SCAPER: variants seen among roughly 807,000 people sequenced by gnomAD.
SCAPER encodes S phase cyclin A-associated protein in the endoplasmic reticulum.
SCAPER carries 98 observed loss-of-function variants against 182.2 expected under a neutral mutation model. The observed-to-expected ratio is 0.54, with a 90% CI of 0.46 to 0.64. The LOEUF (loss-of-function observed/expected upper bound fraction) is 0.64, where lower values mean the gene tolerates loss of function less well. SCAPER is among the 30% of genes least tolerant of loss of function. SCAPER has a pLI of 0.00. For missense variants in SCAPER, 1,432 were observed against 1,690.0 expected (o/e 0.85, Z 2.68); for synonymous variants, 605 against 564.6 (o/e 1.07, Z -1.01).
At chr15:76,860,106 T>C (rs1325477702) in intron 3 of SCAPER, among the ~76,000 whole-genome samples, 11 of 152,216 alleles carry the variant, frequency 7.2e-5, no homozygotes, top group Non-Finnish European at 1.6e-4. Context: ...AAAAATCGGG[T>C]TATGTACAGA....
chr15:76,393,368 C>G (rs1466918015), intron 27 of SCAPER, among the ~76,000 whole-genome samples: 1 of 152,204 alleles, frequency 6.6e-6, no homozygotes, highest in Non-Finnish European at 1.5e-5. Flanking sequence ...GTTCCACTTG[C>G]CTAGTCCTGT....
At chr15:76,515,931 G>A (rs990450385) in intron 23 of SCAPER, among the ~76,000 whole-genome samples, 2 of 152,150 alleles carry the variant, frequency 1.3e-5, no homozygotes, top group Non-Finnish European at 2.9e-5. Context: ...CCACAGCCTT[G>A]GAAAAGTCAA....
intron 22 of SCAPER, among the ~76,000 whole-genome samples, chr15:76,592,159 T>A (rs2049168499): frequency 6.6e-6 from 1 of 151,976 alleles, no homozygotes; most frequent in Non-Finnish European, 1.5e-5. Context: ...ATATATAGGT[T>A]ATATAGGTTC....
rs144059882 is a variant in SCAPER at position 76,887,345 on chromosome 15, C to T, written c.-59-3469G>A. Among the ~76,000 whole-genome samples the T allele has an allele frequency of 8.3e-4, 127 of 152,212 alleles. 1 individual carries two copies. Among genetic ancestry groups the T allele is most frequent in the African/African-American group, 2.8e-3 (117 of 41,526 alleles). On this transcript the variant is annotated intron_variant, in intron 1 of 31. Transcript: ENST00000563290. ...CCACAGAGGGTGAGCCAAAGCAGGCCGGGGCATCGCCTCACCAGGGAAGCA... is the reference window on the plus strand; with the variant it reads ...CCACAGAGGGTGAGCCAAAGCAGGCTGGGGCATCGCCTCACCAGGGAAGCA...
intron 25 of SCAPER, among the ~76,000 whole-genome samples, chr15:76,443,631 G>A (rs1234432210): frequency 1.3e-5 from 2 of 152,182 alleles, no homozygotes; most frequent in Non-Finnish European, 2.9e-5. Flanking sequence ...ATTAATAGCA[G>A]AAACAACAGC....
At chr15:76,417,058 C>A (rs1179505971) in intron 26 of SCAPER, among the ~76,000 whole-genome samples, 1 of 151,538 alleles carries the variant, frequency 6.6e-6, no homozygotes, top group Non-Finnish European at 1.5e-5. Context: ...GCACACACAC[C>A]CTGTCTCTAA....
At chr15:76,758,221 TTA>T (rs1341289089) in intron 14 of SCAPER, among the ~76,000 whole-genome samples, 1 of 152,216 alleles carries the variant, frequency 6.6e-6, no homozygotes, top group Non-Finnish European at 1.5e-5. Flanking sequence ...GTTTCAGATT[TTA>T]TGTTTAAGCC....
rs142651169 is a variant in SCAPER, at chr15:76,777,240, C to A, written c.773-2123G>T. Among the ~76,000 whole-genome samples, 497 of 152,234 alleles carry A rather than the reference C, an allele frequency of 3.3e-3. 2 individuals are homozygous for A. The highest frequency in any genetic ancestry group is 5.9e-3 in the Non-Finnish European group (401 of 68,016). On this transcript the variant is annotated intron_variant, in intron 8 of 31. Coordinates refer to ENST00000563290, the MANE Select transcript of SCAPER (RefSeq NM_020843.4). ...ATTTATCAAGGGACTGAAAGAACTG[C>A]CCATTGTGAATTTTATTAATATATG...
In SCAPER at chr15:76,817,588, A is replaced by G. The variant is rs891278846; in HGVS notation, c.394-12955T>C. On this transcript the variant is annotated intron_variant, in intron 5 of 31. Transcript: ENST00000563290. Reference sequence around the variant, plus strand: ...TTTGTTACTCTTACCACACACACAAAAAGGTAACTATGTGAGGTGATAGGT... The same window carrying G: ...TTTGTTACTCTTACCACACACACAAGAAGGTAACTATGTGAGGTGATAGGT... 2.0e-5 allele frequency among the ~76,000 whole-genome samples: 3 copies of G among 152,304 alleles called. No homozygotes were observed. The South Asian group carries it at 6.2e-4, about 32-fold the overall frequency.
At chr15:76,528,870 C>A (rs920783336) in intron 23 of SCAPER, among the ~76,000 whole-genome samples, 4 of 152,206 alleles carry the variant, frequency 2.6e-5, no homozygotes, top group African/African-American at 9.7e-5. Flanking sequence ...TATGCTCCAG[C>A]CATTATGAAT....
chr15:76,420,068 A>G (rs2045921430), intron 26 of SCAPER, among the ~76,000 whole-genome samples: 1 of 152,100 alleles, frequency 6.6e-6, no homozygotes, highest in Admixed American at 6.5e-5. Context: ...CAGAAAAACA[A>G]TTTGACAAAA....
At chr15:76,809,998 C>T (rs2066468639) in intron 5 of SCAPER, among the ~76,000 whole-genome samples, 1 of 152,060 alleles carries the variant, frequency 6.6e-6, no homozygotes, top group African/African-American at 2.4e-5. Flanking sequence ...GAAAATTATA[C>T]CCAGAAAATC....
chr15:76,464,362 T>C (rs157776), intron 25 of SCAPER, among the ~76,000 whole-genome samples: 31,977 of 152,056 alleles, frequency 0.21, 4,220 homozygotes, highest in African/African-American at 0.38. Flanking sequence ...GGTTGATTAA[T>C]ATTCCATTGT....
intron 16 of SCAPER, among the ~76,000 whole-genome samples, chr15:76,728,998 G>A (rs1460252788): frequency 6.6e-6 from 1 of 152,046 alleles, no homozygotes; most frequent in African/African-American, 2.4e-5. Context: ...TGTTTTGTGG[G>A]AACTTGTGAT....
intron 5 of SCAPER, among the ~76,000 whole-genome samples, chr15:76,823,586 T>A (rs2067748207): frequency 6.6e-6 from 1 of 151,652 alleles, no homozygotes; most frequent in Non-Finnish European, 1.5e-5. Context: ...ATATGCCAAA[T>A]TATTCACAAA....
chr15:76,374,016 T>C (rs2042368334), intron 29 of SCAPER, among the ~76,000 whole-genome samples: 1 of 151,944 alleles, frequency 6.6e-6, no homozygotes, highest in Non-Finnish European at 1.5e-5. Flanking sequence ...TGCCCAGATC[T>C]AGTTTGCTGT....
chr15:76,457,389 A>T (rs569153848), intron 25 of SCAPER, among the ~76,000 whole-genome samples: 47 of 152,206 alleles, frequency 3.1e-4, no homozygotes, highest in African/African-American at 1.1e-3. Flanking sequence ...TTATTGACAC[A>T]TTGGGTTTAG....
At chr15:76,383,693 AC>A (rs1480084963) in intron 27 of SCAPER, among the ~76,000 whole-genome samples, 1 of 152,156 alleles carries the variant, frequency 6.6e-6, no homozygotes, top group Admixed American at 6.5e-5. Context: ...TTTAGGTCAT[AC>A]AAATTTTTAG....
chr15:76,448,054 G>T (rs1157139454), intron 25 of SCAPER, among the ~76,000 whole-genome samples: 1 of 152,154 alleles, frequency 6.6e-6, no homozygotes, highest in Non-Finnish European at 1.5e-5. Flanking sequence ...GTGTGTTCAG[G>T]AAGCTGCAGG....
Sources: gnomAD v4.1 joint callset for allele counts (sites outside exome capture counted in the v4.1 genomes callset) on GRCh38, gnomAD v4.1.1 for gene constraint, MANE v1.5 for transcripts, NCBI Gene and HGNC (gene_info 2026-07-23, HGNC 2026-07-21) for gene names.